Variants in NUCB2 observed in about 807,000 individuals in gnomAD.
The protein encoded by NUCB2 is nucleobindin-2.
NUCB2 carries 48 observed loss-of-function variants against 57.9 expected under a neutral mutation model. That is an observed-to-expected ratio of 0.83 (90% confidence interval 0.66 to 1.05). The LOEUF is 1.05. Among genes scored for constraint, NUCB2 ranks in the 50% least tolerant of loss-of-function variants. The pLI is 0.00. For synonymous variants in NUCB2, 139 were observed against 152.1 expected, an observed-to-expected ratio of 0.91 and a Z score of 0.64; for missense variants, 442 against 476.2, an observed-to-expected ratio of 0.93 and a Z score of 0.67.
intron 6 of NUCB2, 85 bp downstream of exon 6, chr11:17,309,760 T>C (rs1948208722): frequency 1.3e-6 from 1 of 796,290 alleles, no homozygotes; most frequent in South Asian, 1.8e-5. Context: ...AATGGAAATA[T>C]AACTTTTATA....
At chr11:17,324,778 GTCTA>G (rs1591542098) in intron 11 of NUCB2, among the ~76,000 whole-genome samples, 1 of 128,904 alleles carries the variant, frequency 7.8e-6, no homozygotes, top group African/African-American at 3.1e-5. Context: ...TTGTCTATTT[GTCTA>G]TTTATTTATT....
intron 2 of NUCB2, among the ~76,000 whole-genome samples, chr11:17,347,694 GT>G (rs1367382920): frequency 6.6e-6 from 1 of 152,162 alleles, no homozygotes; most frequent in Non-Finnish European, 1.5e-5. Context: ...CAGGATTTGT[GT>G]GTTGGATTTT....
At chr11:17,312,473 G>A (rs1190185989) in intron 10 of NUCB2, among the ~76,000 whole-genome samples, 2 of 151,384 alleles carry the variant, frequency 1.3e-5, no homozygotes, top group East Asian at 1.9e-4. Context: ...GCGCGACCTC[G>A]GCTCACTGCA....
intron 2 of NUCB2, among the ~76,000 whole-genome samples, chr11:17,341,027 T>C (rs924415285): frequency 6.6e-6 from 1 of 152,192 alleles, no homozygotes; most frequent in Non-Finnish European, 1.5e-5. Context: ...CTCGAAGAGG[T>C]CCTTCACGTC....
chr11:17,327,692 C>G (rs904695279), intron 11 of NUCB2, among the ~76,000 whole-genome samples: 1 of 152,094 alleles, frequency 6.6e-6, no homozygotes, highest in East Asian at 1.9e-4. Flanking sequence ...TATACTTGAT[C>G]AGTTCTGCTA....
intron 2 of NUCB2, among the ~76,000 whole-genome samples, chr11:17,288,880 TATAC>T (rs1334862876): frequency 0.029 from 1,933 of 67,454 alleles, 205 homozygotes; most frequent in East Asian, 0.041. Context: ...ATAACATGTA[TATAC>T]ACACACACAC....
intron 2 of NUCB2, among the ~76,000 whole-genome samples, chr11:17,293,495 A>G (rs946116504): frequency 1.3e-5 from 2 of 152,192 alleles, no homozygotes; most frequent in African/African-American, 4.8e-5. Flanking sequence ...CAGTTCCTCA[A>G]AAAGTTAAAC....
chr11:17,293,160 A>G (rs1175837905), intron 2 of NUCB2, among the ~76,000 whole-genome samples: 1 of 151,720 alleles, frequency 6.6e-6, no homozygotes, highest in African/African-American at 2.4e-5. Flanking sequence ...AGGCTGAGGC[A>G]GGAGAATCGC....
At chr11:17,303,800 G>T (rs750758650) in intron 5 of NUCB2, among the ~76,000 whole-genome samples, 2 of 150,876 alleles carry the variant, frequency 1.3e-5, no homozygotes, top group African/African-American at 4.9e-5. Flanking sequence ...CAGGAGAATC[G>T]CTTGAGCCCA....
intron 2 of NUCB2, among the ~76,000 whole-genome samples, chr11:17,339,497 C>T (rs1952073984): frequency 8.2e-6 from 1 of 122,056 alleles, no homozygotes; most frequent in African/African-American, 3.1e-5. Flanking sequence ...GCTATCCCTC[C>T]CCCCTCCCCC....
intron 13 of NUCB2, 60 bp from the exon 14 acceptor site, chr11:17,331,352 G>A: frequency 2.0e-6 from 2 of 978,816 alleles, no homozygotes; most frequent in Non-Finnish European, 2.9e-6. Flanking sequence ...GTATATGAAG[G>A]AACATTTAGA....
intron 5 of NUCB2, among the ~76,000 whole-genome samples, chr11:17,308,203 G>A (rs1046425756): frequency 6.6e-6 from 1 of 152,142 alleles, no homozygotes; most frequent in Non-Finnish European, 1.5e-5. Flanking sequence ...CCTTGCCCCA[G>A]CTCTGGAATG....
chr11:17,348,319 GTTTTTTTTTTTTTTTTTT>G (rs55741571), intron 2 of NUCB2, among the ~76,000 whole-genome samples: 3 of 84,450 alleles, frequency 3.6e-5, no homozygotes, highest in African/African-American at 5.0e-5. Context: ...TTGTTTTTGT[GTTTTTTTTTTTTTTTTTT>G]TTTTTTTTTT....
downstream of NUCB2, chr11:17,332,350 AG>A (rs1188142243): frequency 6.6e-6 from 1 of 151,872 alleles, no homozygotes; most frequent in African/African-American, 2.4e-5. Context: ...GCTGCTAGGG[AG>A]GCTGAGAAGT....
At chr11:17,346,763 C>T (rs2139681576) in intron 2 of NUCB2, among the ~76,000 whole-genome samples, 1 of 152,274 alleles carries the variant, frequency 6.6e-6, no homozygotes, top group East Asian at 1.9e-4. Context: ...AAAAGTATTA[C>T]AATCAGGAAA....
rs1951424760 is a variant in NUCB2 at position 17,331,682 on chromosome 11, C to T, written c.*263C>T. On this transcript the variant is annotated 3_prime_UTR_variant, in exon 14 of 14. Coordinates refer to ENST00000529010, the MANE Select transcript of NUCB2 (RefSeq NM_005013.4). The stretch of plus-strand genomic sequence containing the variant: ...CTCTTTTATTTATTTTTTTGTTCTC[C>T]TTTAATGATTTAATTAAGTGGCTTT... The T allele has an allele frequency of 3.0e-6, 1 of 334,814 alleles. No homozygotes were observed. The highest frequency in any genetic ancestry group is 1.5e-4 in the South Asian group (1 of 6,508). 20.7% of individuals were successfully genotyped at this position (334,814 alleles called of 1,614,324 possible).
At chr11:17,316,430 T>C (rs1010109036) in intron 11 of NUCB2, among the ~76,000 whole-genome samples, 1 of 152,222 alleles carries the variant, frequency 6.6e-6, no homozygotes, top group Non-Finnish European at 1.5e-5. Context: ...TGCAGTTATA[T>C]GGCTGTAGCA....
At chr11:17,340,414 G>A (rs1485484598) in intron 2 of NUCB2, among the ~76,000 whole-genome samples, 7 of 151,956 alleles carry the variant, frequency 4.6e-5, no homozygotes, top group Non-Finnish European at 7.4e-5. Flanking sequence ...TTAGACATGA[G>A]GTCCTTGCCC....
downstream of NUCB2, chr11:17,333,861 T>G (rs1178493680): frequency 6.6e-6 from 1 of 152,236 alleles, no homozygotes; most frequent in Admixed American, 6.5e-5. Flanking sequence ...AGCAATTCTC[T>G]CAGCAAAGCT....
Sources: allele counts gnomAD v4.1 joint callset (sites outside exome capture counted in the v4.1 genomes callset), GRCh38; gene constraint gnomAD v4.1.1; transcripts MANE v1.5; gene names NCBI Gene and HGNC (gene_info 2026-07-23, HGNC 2026-07-21).